MACROD2: variants seen among roughly 807,000 people sequenced by gnomAD.
MACROD2 encodes the protein ADP-ribose glycohydrolase MACROD2.
MACROD2 carries 36 observed loss-of-function variants against 70.4 expected under a neutral mutation model. That is an observed-to-expected ratio of 0.51 (90% CI 0.39 to 0.68). The LOEUF (loss-of-function observed/expected upper bound fraction) is 0.68. Among genes scored for constraint, MACROD2 ranks in the 30% least tolerant of loss-of-function variants. The pLI, the probability that MACROD2 is intolerant of heterozygous loss-of-function variation, is 0.00. For synonymous variants in MACROD2, 172 were observed against 178.8 expected, an observed-to-expected ratio of 0.96 and a Z score of 0.30; for missense variants, 496 against 538.4, an observed-to-expected ratio of 0.92 and a Z score of 0.78.
chr20:14,209,374 C>G (rs1456783021), intron 3 of MACROD2, among the ~76,000 whole-genome samples: 1 of 152,042 alleles, frequency 6.6e-6, no homozygotes, highest in Non-Finnish European at 1.5e-5. Context: ...TATCTCTTCC[C>G]TCTCAGAAGC....
At chr20:15,000,814 A>G (rs930793580) in intron 5 of MACROD2, among the ~76,000 whole-genome samples, 5 of 152,102 alleles carry the variant, frequency 3.3e-5, no homozygotes, top group Non-Finnish European at 5.9e-5. Flanking sequence ...CTGACATAAA[A>G]CTTGACATAC....
At chr20:14,192,187 A>G (rs2081394752) in intron 3 of MACROD2, among the ~76,000 whole-genome samples, 1 of 152,016 alleles carries the variant, frequency 6.6e-6, no homozygotes, top group Non-Finnish European at 1.5e-5. Flanking sequence ...ATTATCTATT[A>G]TGACGCATAC....
intron 15 of MACROD2, among the ~76,000 whole-genome samples, chr20:16,009,979 C>G (rs1466427440): frequency 6.6e-6 from 1 of 152,226 alleles, no homozygotes; most frequent in East Asian, 1.9e-4. Context: ...AGTGGTATGT[C>G]TTTATAATCC....
chr20:14,429,610 A>G (rs1174218008), intron 3 of MACROD2, among the ~76,000 whole-genome samples: 2 of 152,142 alleles, frequency 1.3e-5, no homozygotes, highest in Non-Finnish European at 2.9e-5. Flanking sequence ...GAGTCCATTT[A>G]TAGCTGTGGA....
intron 3 of MACROD2, among the ~76,000 whole-genome samples, chr20:14,101,958 T>C (rs1451413376): frequency 6.6e-6 from 1 of 151,542 alleles, no homozygotes; most frequent in Non-Finnish European, 1.5e-5. Flanking sequence ...ATTGCTCTTT[T>C]TTCTTTAAAA....
intron 3 of MACROD2, among the ~76,000 whole-genome samples, chr20:14,304,772 G>T (rs1851835779): frequency 7.0e-6 from 1 of 143,712 alleles, no homozygotes; most frequent in African/African-American, 2.6e-5. Flanking sequence ...TCTTTTTTAT[G>T]TTTTTTTTTT....
At chr20:14,111,334 T>G (rs1257902635) in intron 3 of MACROD2, among the ~76,000 whole-genome samples, 1 of 151,816 alleles carries the variant, frequency 6.6e-6, no homozygotes, top group Non-Finnish European at 1.5e-5. Context: ...TTCACAAGCA[T>G]AGGCAACCAA....
intron 3 of MACROD2, among the ~76,000 whole-genome samples, chr20:14,450,878 TA>T (rs1345665418): frequency 6.6e-6 from 1 of 152,060 alleles, no homozygotes; most frequent in Non-Finnish European, 1.5e-5. Flanking sequence ...AAGAGATGGT[TA>T]CACTAGAGCA....
chr20:15,628,976 A>T (rs1448648413), intron 8 of MACROD2, among the ~76,000 whole-genome samples: 2 of 152,226 alleles, frequency 1.3e-5, no homozygotes, highest in Middle Eastern at 3.2e-3. Flanking sequence ...CTATCACATT[A>T]TGTAAATATA....
intron 2 of MACROD2, among the ~76,000 whole-genome samples, chr20:14,046,704 C>G (rs1357465533): frequency 1.3e-5 from 2 of 149,422 alleles, no homozygotes; most frequent in African/African-American, 2.5e-5. Flanking sequence ...CCTTTACTCC[C>G]AAGCATTCTC....
At chr20:15,419,745 C>A (rs1240596873) in intron 6 of MACROD2, among the ~76,000 whole-genome samples, 1 of 152,246 alleles carries the variant, frequency 6.6e-6, no homozygotes, top group Admixed American at 6.5e-5. Flanking sequence ...CGTCCCCCTG[C>A]ACTTCCCGCC....
chr20:16,008,012 G>C (rs1393090192), intron 15 of MACROD2, among the ~76,000 whole-genome samples: 1 of 152,198 alleles, frequency 6.6e-6, no homozygotes, highest in Non-Finnish European at 1.5e-5. Context: ...TGTGGCCTCT[G>C]TCAAGGGACA....
At position 15,034,020 on chromosome 20, in the gene MACROD2, G is replaced by A. The variant is rs142942303; in HGVS notation, c.419-195920G>A. Among the ~76,000 whole-genome samples, 530 of 152,252 alleles carry A rather than the reference G, an allele frequency of 3.5e-3. 13 individuals carry two copies. Among genetic ancestry groups the A allele is most frequent in the African/African-American group, 0.012 (486 of 41,544 alleles). On this transcript the variant is annotated intron_variant, in intron 5 of 17. Transcript: ENST00000684519. ...AAGACTCATGTTTCCCCCGTTTGGA[G>A]GTTTGCAAACGAAATCTGGCACAAA...
At chr20:14,132,660 C>A (rs1042976683) in intron 3 of MACROD2, among the ~76,000 whole-genome samples, 2 of 151,758 alleles carry the variant, frequency 1.3e-5, no homozygotes, top group Non-Finnish European at 2.9e-5. Flanking sequence ...TTTTTAGAGG[C>A]AAGATTTTAC....
chr20:14,559,984 T>C (rs1217277971), intron 4 of MACROD2, among the ~76,000 whole-genome samples: 1 of 151,818 alleles, frequency 6.6e-6, no homozygotes, highest in Non-Finnish European at 1.5e-5. Context: ...CATTTCTCTT[T>C]GTTTTGACCT....
intron 3 of MACROD2, among the ~76,000 whole-genome samples, chr20:14,101,729 A>G (rs1601225318): frequency 1.3e-5 from 2 of 151,852 alleles, no homozygotes; most frequent in African/African-American, 4.8e-5. Flanking sequence ...GTTAAATATT[A>G]TAGTAACATA....
At chr20:15,215,995 A>G (rs781592128) in intron 5 of MACROD2, among the ~76,000 whole-genome samples, 3 of 152,124 alleles carry the variant, frequency 2.0e-5, no homozygotes, top group Non-Finnish European at 4.4e-5. Flanking sequence ...TCTAGAAAGA[A>G]TGGAGAAAAT....
chr20:15,161,519 A>C (rs2076348382), intron 5 of MACROD2, among the ~76,000 whole-genome samples: 1 of 151,944 alleles, frequency 6.6e-6, no homozygotes, highest in Admixed American at 6.6e-5. Flanking sequence ...ATATTTGTAC[A>C]TACTGCCCAT....
Position 15,378,580 on chromosome 20 carries a change from A to C in MACROD2, c.541-52825A>C, listed in dbSNP as rs189629158. Among the ~76,000 whole-genome samples the C allele has an allele frequency of 5.3e-5, 8 of 152,338 alleles. No homozygotes were observed. In the East Asian group the frequency reaches 1.5e-3, roughly 29 times the overall value. ...TATCATATCATTGATCAAAATTACT[A>C]TATAGTCTTCCTTTGTTTTGAGAGG... On this transcript the variant is annotated intron_variant, in intron 6 of 17. Coordinates refer to ENST00000684519, the MANE Select transcript of MACROD2 (RefSeq NM_001351661.2).
Sources: allele counts gnomAD v4.1 joint callset (sites outside exome capture counted in the v4.1 genomes callset), GRCh38; gene constraint gnomAD v4.1.1; transcripts MANE v1.5; gene names NCBI Gene and HGNC (gene_info 2026-07-23, HGNC 2026-07-21).